EVC: variants seen among roughly 807,000 people sequenced by gnomAD.
EVC encodes evC complex member EVC.
In EVC, 116 loss-of-function variants were observed where a neutral mutation model predicts 118.9. The ratio of observed to expected loss-of-function variants is 0.98; its 90% CI spans 0.84 to 1.14. The LOEUF (loss-of-function observed/expected upper bound fraction) is 1.14, where lower values mean the gene tolerates loss of function less well. EVC is among the 50% of genes most tolerant of loss of function. EVC has a pLI of 0.00. For missense variants in EVC, 1,401 were observed against 1,246.4 expected (o/e 1.12, Z -1.87); for synonymous variants, 619 against 534.7 (o/e 1.16, Z -2.18).
chr4:5,815,042 T>A (rs76627480), downstream of EVC, among the ~76,000 whole-genome samples: 4,029 of 152,266 alleles, frequency 0.026, 55 homozygotes, highest in Middle Eastern at 0.058. Flanking sequence ...CAACTGGCCC[T>A]TACCCAGATC....
At chr4:5,714,233 G>A (rs1020941250) in intron 1 of EVC, among the ~76,000 whole-genome samples, 2 of 151,344 alleles carry the variant, frequency 1.3e-5, no homozygotes, top group South Asian at 4.2e-4. Context: ...CTCCTCCTCT[G>A]TTCCAAGTCA....
At chr4:5,745,950 G>T (rs1311807252) in intron 7 of EVC, among the ~76,000 whole-genome samples, 2 of 152,174 alleles carry the variant, frequency 1.3e-5, no homozygotes, top group Non-Finnish European at 2.9e-5. Flanking sequence ...CACAGGAGAA[G>T]GCCCGAGGCA....
At chr4:5,770,083 A>G (rs1733708409) in intron 11 of EVC, among the ~76,000 whole-genome samples, 1 of 152,038 alleles carries the variant, frequency 6.6e-6, no homozygotes, top group South Asian at 2.1e-4. Context: ...CTCTGCACAG[A>G]GCTTCTGGGT....
chr4:5,717,018 T>A (rs1724072384), intron 1 of EVC, among the ~76,000 whole-genome samples: 1 of 152,214 alleles, frequency 6.6e-6, no homozygotes, highest in African/African-American at 2.4e-5. Flanking sequence ...TGGAACGTCC[T>A]TTTGATCGAG....
intron 11 of EVC, among the ~76,000 whole-genome samples, chr4:5,778,873 T>A (rs987980494): frequency 6.6e-6 from 1 of 152,134 alleles, no homozygotes; most frequent in African/African-American, 2.4e-5. Flanking sequence ...TTTTGGCTTT[T>A]GTTGCCATTG....
chr4:5,795,623 G>A lies in EVC; in HGVS notation c.1887-1399G>A, dbSNP rs1261212752. ...GCTGAGATCGCACCATTGCACTCCA[G>A]CCTGGGCTACAGAGTGAGACTCCAT... is the stretch of plus-strand genomic sequence containing the variant. On this transcript the variant is annotated intron_variant, in intron 13 of 20. Coordinates refer to ENST00000264956, the MANE Select transcript of EVC (RefSeq NM_153717.3). Among the ~76,000 whole-genome samples the A allele has an allele frequency of 2.0e-5, 3 of 152,322 alleles. No individual in the cohort carries two copies. In the East Asian group the frequency reaches 5.8e-4, roughly 29 times the overall value.
chr4:5,818,986 C>G (rs926538913), downstream of EVC, among the ~76,000 whole-genome samples: 3 of 152,168 alleles, frequency 2.0e-5, no homozygotes, highest in East Asian at 5.8e-4. Flanking sequence ...TTCTGGACCA[C>G]TGAATCAGAA....
At chr4:5,794,281 ATATATATTTTTATATATTTATATTTT>A (rs1713391024) in intron 13 of EVC, among the ~76,000 whole-genome samples, 1 of 133,826 alleles carries the variant, frequency 7.5e-6, no homozygotes, top group African/African-American at 2.8e-5. Context: ...ATATATATTT[ATATATATTTTTATATATTTATATTTT>A]TATATATTTA....
chr4:5,763,122 G>A (rs1392621133), intron 11 of EVC, among the ~76,000 whole-genome samples: 2 of 78,940 alleles, frequency 2.5e-5, no homozygotes, highest in Middle Eastern at 0.011. Context: ...TCTACATATG[G>A]CTAGCCAATT....
chr4:5,748,415 A>G, intron 8 of EVC, 109 bp downstream of exon 8: 3 of 1,246,070 alleles, frequency 2.4e-6, no homozygotes, highest in Non-Finnish European at 3.4e-6. Flanking sequence ...AGCTGGTTAT[A>G]TAGAGCCTCA....
Position 5,737,575 on chromosome 4 carries a change from G to T in EVC, c.702+4140G>T, listed in dbSNP as rs1727893159. ...GGGAGATGACTTTAAGTTGAAGCCA[G>T]TGCTCATGCACCACTCCGAAAGTCC... On this transcript the variant is annotated intron_variant, in intron 5 of 20. Transcript: ENST00000264956. The surrounding 1 kb of genome is among the most constrained non-coding windows in gnomAD (Gnocchi z 5.0). 6.6e-6 allele frequency among the ~76,000 whole-genome samples: 1 copy of T among 152,212 alleles called. No individual in the cohort carries two copies. Among genetic ancestry groups the T allele is most frequent in the African/African-American group, 2.4e-5 (1 of 41,440 alleles).
chr4:5,780,348 T>C (rs1326869253), intron 11 of EVC, among the ~76,000 whole-genome samples: 2 of 152,192 alleles, frequency 1.3e-5, no homozygotes, highest in Non-Finnish European at 2.9e-5. Context: ...AAAACAATTA[T>C]CCATGTAGCA....
intron 1 of EVC, among the ~76,000 whole-genome samples, chr4:5,718,951 C>T (rs778834731): frequency 6.6e-5 from 10 of 152,178 alleles, no homozygotes; most frequent in African/African-American, 1.9e-4. Context: ...AAAAATGGAA[C>T]GAGCTTTGCT....
intron 8 of EVC, among the ~76,000 whole-genome samples, chr4:5,752,059 G>A (rs1730453741): frequency 6.6e-6 from 1 of 152,206 alleles, no homozygotes; most frequent in South Asian, 2.1e-4. Flanking sequence ...GGGCAGAGAT[G>A]GGAGGCTGGG....
chr4:5,741,827 C>T lies in EVC; in HGVS notation c.801+13C>T, dbSNP rs545838582. 50 of 1,360,238 alleles carry T rather than the reference C, an allele frequency of 3.7e-5. 1 individual carries two copies. The South Asian group carries it at 5.8e-4, about 16-fold the overall frequency. 84.3% of individuals were successfully genotyped at this position (1,360,238 alleles called of 1,614,324 possible). On this transcript the variant is annotated intron_variant, in intron 6 of 20. Coordinates refer to ENST00000264956, the MANE Select transcript of EVC (RefSeq NM_153717.3). The stretch of plus-strand genomic sequence containing the variant: ...AAAACAAGAAAAAGTAAGTCTTCAA[C>T]CTATGTTTCAAGGTAACTTAAAAAT...
chr4:5,718,475 GTTATT>G (rs1199582779), intron 1 of EVC, among the ~76,000 whole-genome samples: 2 of 151,994 alleles, frequency 1.3e-5, no homozygotes, highest in Non-Finnish European at 2.9e-5. Flanking sequence ...GTGTTTGGTG[GTTATT>G]TTAAACAGTA....
intron 2 of EVC, among the ~76,000 whole-genome samples, chr4:5,722,557 C>T (rs1482320093): frequency 6.6e-6 from 1 of 152,180 alleles, no homozygotes; most frequent in Non-Finnish European, 1.5e-5. Flanking sequence ...TGGATGACCT[C>T]TGTTTAATGA....
At chr4:5,828,024 G>C in the EVC span, 1 of 984,750 alleles carries the variant, frequency 1.0e-6, no homozygotes, top group Non-Finnish European at 1.2e-6. Flanking sequence ...AAGAAAGGGC[G>C]GATCTGAAGG....
chr4:5,786,649 G>T (rs535181080), intron 12 of EVC, among the ~76,000 whole-genome samples: 1 of 152,138 alleles, frequency 6.6e-6, no homozygotes, highest in South Asian at 2.1e-4. Flanking sequence ...CAAGACGGGC[G>T]GATCATGAGG....
Sources: gnomAD v4.1 joint callset for allele counts (sites outside exome capture counted in the v4.1 genomes callset) on GRCh38, gnomAD v4.1.1 for gene constraint, Gnocchi (gnomAD v3.1) non-coding constraint, MANE v1.5 for transcripts, NCBI Gene and HGNC (gene_info 2026-07-23, HGNC 2026-07-21) for gene names.